The following AMBRA1 variants were observed in gnomAD, a reference collection of about 807,000 sequenced individuals.
AMBRA1 encodes the protein autophagy and beclin 1 regulator 1.
A neutral mutation model predicts 125.4 loss-of-function variants in AMBRA1; 47 were observed. The ratio of observed to expected loss-of-function variants is 0.37; its 90% CI spans 0.30 to 0.48. The LOEUF is 0.48. AMBRA1 is among the 20% of genes least tolerant of loss of function. The probability of loss-of-function intolerance (pLI) is 0.99; values close to 1 mark genes in which losing one functional copy is unlikely to be tolerated. For synonymous variants in AMBRA1, 626 were observed against 655.5 expected (o/e 0.95, Z 0.69); for missense variants, 1,331 against 1,693.4 (o/e 0.79, Z 3.76).
Position 46,549,314 on chromosome 11 carries a change from G to A in AMBRA1, c.-120-814C>T, listed in dbSNP as rs565727519. 6.6e-5 allele frequency among the ~76,000 whole-genome samples: 10 copies of A among 152,290 alleles called. No individual in the cohort carries two copies. In the South Asian group the frequency reaches 2.1e-3, roughly 32 times the overall value. ...ATACAGTGTTATCCACTGTGACATT[G>A]TTTCTTTAGCTCCACTATGAATGTT... On this transcript the variant is annotated intron_variant, in intron 1 of 17. Coordinates refer to ENST00000683756, the MANE Select transcript of AMBRA1 (RefSeq NM_001387011.1).
chr11:46,444,741 G>A (rs1337734157), intron 11 of AMBRA1, among the ~76,000 whole-genome samples: 1 of 152,098 alleles, frequency 6.6e-6, no homozygotes, highest in East Asian at 1.9e-4. Context: ...TTAGAGAGCG[G>A]CATTTATTGC....
chr11:46,418,812 C>T (rs1032523905), intron 14 of AMBRA1, among the ~76,000 whole-genome samples: 8 of 152,176 alleles, frequency 5.3e-5, no homozygotes, highest in Non-Finnish European at 8.8e-5. Context: ...TTTTAGCTAA[C>T]TAACTTCATT....
chr11:46,410,366 G>A lies in AMBRA1; in HGVS notation c.3119C>T (p.Ala1040Val). ...GTAGTACTCAACACCAGAGTTTAAG[G>A]CCCTAAAAATCAGTTGGGAAGGGTA... ...KGDLVICRPE[A>V]LNSGVEYYWD... Residue 1040 changes from alanine to valine, a missense_variant and splice_region_variant, in exon 16 of 18, where the codon GCC becomes GTC. Around this residue, in one of 4 missense-constraint regions of AMBRA1, gnomAD observed 354 missense variants for 532.7 expected, o/e 0.66. Coordinates refer to ENST00000683756, the MANE Select transcript of AMBRA1 (RefSeq NM_001387011.1). 2.5e-6 allele frequency: 4 copies of A among 1,613,740 alleles called. No individual in the cohort carries two copies. The highest frequency in any genetic ancestry group is 3.4e-6 in the Non-Finnish European group (4 of 1,179,736).
chr11:46,458,226 C>T (rs560347148), intron 11 of AMBRA1, among the ~76,000 whole-genome samples: 1 of 152,254 alleles, frequency 6.6e-6, no homozygotes, highest in South Asian at 2.1e-4. Flanking sequence ...ACCAGGAACA[C>T]AGTGGAAAAG....
chr11:46,414,921 CTTGT>C (rs1946467365), intron 15 of AMBRA1, among the ~76,000 whole-genome samples: 1 of 152,144 alleles, frequency 6.6e-6, no homozygotes, highest in Non-Finnish European at 1.5e-5. Flanking sequence ...GCCCAAGGAG[CTTGT>C]TCCTCTGTCT....
chr11:46,477,388 G>A (rs1949859392), intron 11 of AMBRA1, among the ~76,000 whole-genome samples: 1 of 148,970 alleles, frequency 6.7e-6, no homozygotes, highest in African/African-American at 2.5e-5. Flanking sequence ...TGTGATCTCT[G>A]CTCAATGCAG....
intron 17 of AMBRA1, among the ~76,000 whole-genome samples, chr11:46,401,516 G>A (rs1945758125): frequency 6.6e-6 from 1 of 152,150 alleles, no homozygotes; most frequent in African/African-American, 2.4e-5. Flanking sequence ...TGGGAGGCAT[G>A]AGCCACCGCA....
At chr11:46,554,891 C>G (rs2043118157) in intron 1 of AMBRA1, among the ~76,000 whole-genome samples, 2 of 152,042 alleles carry the variant, frequency 1.3e-5, no homozygotes, top group Non-Finnish European at 2.9e-5. Flanking sequence ...TCTCAATCAC[C>G]AAAAGCTTAT....
intron 11 of AMBRA1, among the ~76,000 whole-genome samples, chr11:46,481,453 T>G (rs962114893): frequency 6.6e-6 from 1 of 152,178 alleles, no homozygotes; most frequent in Non-Finnish European, 1.5e-5. Flanking sequence ...AAACTCTGCC[T>G]CCCGGGTTCA....
intron 1 of AMBRA1, among the ~76,000 whole-genome samples, chr11:46,557,300 CAA>C (rs540969219): frequency 2.6e-4 from 13 of 49,100 alleles, no homozygotes; most frequent in Non-Finnish European, 3.7e-4. Flanking sequence ...GACTCCATCT[CAA>C]AAAAAAAAAA....
chr11:46,431,774 G>T (rs1469961619), intron 14 of AMBRA1, among the ~76,000 whole-genome samples: 1 of 152,218 alleles, frequency 6.6e-6, no homozygotes, highest in East Asian at 1.9e-4. Flanking sequence ...ATATTTAAAT[G>T]AAAACTCAAC....
chr11:46,457,745 A>G (rs769482390), intron 11 of AMBRA1, among the ~76,000 whole-genome samples: 2 of 152,120 alleles, frequency 1.3e-5, no homozygotes, highest in African/African-American at 2.4e-5. Flanking sequence ...TACTAAAAAT[A>G]CAAAAAATGA....
intron 9 of AMBRA1, chr11:46,495,306 C>G (rs1416609208): frequency 6.6e-6 from 1 of 152,214 alleles, no homozygotes; most frequent in African/African-American, 2.4e-5. Context: ...AGATAATCTT[C>G]AAACTGGCCC....
chr11:46,520,840 C>T (rs1036345986), intron 7 of AMBRA1, among the ~76,000 whole-genome samples: 1 of 151,456 alleles, frequency 6.6e-6, no homozygotes, highest in African/African-American at 2.4e-5. Flanking sequence ...TTCCTGACCT[C>T]GTGATCCGCC....
At chr11:46,411,384 G>A (rs1052574288) in intron 15 of AMBRA1, among the ~76,000 whole-genome samples, 1 of 151,380 alleles carries the variant, frequency 6.6e-6, no homozygotes, top group African/African-American at 2.5e-5. Flanking sequence ...GGAAGACGAG[G>A]GACTGTGTCC....
intron 9 of AMBRA1, among the ~76,000 whole-genome samples, chr11:46,500,600 C>T (rs904362517): frequency 1.3e-5 from 2 of 152,174 alleles, no homozygotes; most frequent in African/African-American, 2.4e-5. Context: ...ATCCAGAGTT[C>T]GGGGCTTTCT....
In AMBRA1 at chr11:46,592,154, C is replaced by T. The variant is rs147920902; in HGVS notation, c.-121+1674G>A. On this transcript the variant is annotated intron_variant, in intron 1 of 17. Transcript: ENST00000683756. Reference sequence around the variant, plus strand: ...TTCTCCACGTTAGTCAGGCTGGTCTCGAATTTCCGACCTCAGGTGATCCAC... The same window carrying T: ...TTCTCCACGTTAGTCAGGCTGGTCTTGAATTTCCGACCTCAGGTGATCCAC... Among the ~76,000 whole-genome samples, 1,318 of 151,844 alleles carry T rather than the reference C, an allele frequency of 8.7e-3. 10 individuals are homozygous for T. The highest frequency in any genetic ancestry group is 0.031 in the African/African-American group (1,268 of 41,452).
At chr11:46,400,906 C>T (rs1042082157) in intron 17 of AMBRA1, among the ~76,000 whole-genome samples, 2 of 152,194 alleles carry the variant, frequency 1.3e-5, no homozygotes, top group African/African-American at 4.8e-5. Flanking sequence ...TCCTGGGACA[C>T]CCGGCTCCAG....
intron 1 of AMBRA1, among the ~76,000 whole-genome samples, chr11:46,550,891 C>A (rs1312945804): frequency 6.7e-6 from 1 of 150,244 alleles, no homozygotes; most frequent in African/African-American, 2.5e-5. Flanking sequence ...TCGAGACCAT[C>A]CTGGCTAACA....
Sources: allele counts gnomAD v4.1 joint callset (sites outside exome capture counted in the v4.1 genomes callset), GRCh38; gene constraint gnomAD v4.1.1; regional missense constraint gnomAD v4.1.1; transcripts MANE v1.5; gene names NCBI Gene and HGNC (gene_info 2026-07-23, HGNC 2026-07-21).